The following GABRB1 variants were observed in gnomAD, a reference collection of about 807,000 sequenced individuals.
The protein encoded by GABRB1 is gamma-aminobutyric acid receptor subunit beta-1.
A neutral mutation model predicts 51.6 loss-of-function variants in GABRB1; 17 were observed. That is an observed-to-expected ratio of 0.33 (90% CI 0.23 to 0.49). The LOEUF (loss-of-function observed/expected upper bound fraction) is 0.49. Ranked by LOEUF, GABRB1 falls within the 20% of genes least tolerant of loss-of-function variation. GABRB1 has a pLI of 0.99. For synonymous variants in GABRB1, 247 were observed against 218.9 expected (o/e 1.13, Z -1.14); for missense variants, 410 against 600.6 (o/e 0.68, Z 3.32).
intron 8 of GABRB1, among the ~76,000 whole-genome samples, chr4:47,408,761 C>T (rs1728660455): frequency 6.6e-6 from 1 of 152,174 alleles, no homozygotes; most frequent in African/African-American, 2.4e-5. Flanking sequence ...GAGGCCACCT[C>T]TTTTCTATTC....
intron 4 of GABRB1, among the ~76,000 whole-genome samples, chr4:47,254,299 T>C (rs575529668): frequency 6.6e-6 from 1 of 151,074 alleles, no homozygotes; most frequent in Non-Finnish European, 1.5e-5. Context: ...TTCTATAAAG[T>C]CTTAGAACAT....
chr4:47,149,127 G>A, intron 3 of GABRB1, among the ~76,000 whole-genome samples: 1 of 151,880 alleles, frequency 6.6e-6, no homozygotes, highest in East Asian at 1.9e-4. Context: ...ACTCTATATG[G>A]TGGTTTTATA....
chr4:47,052,579 G>A (rs1726401312), intron 3 of GABRB1, among the ~76,000 whole-genome samples: 1 of 152,196 alleles, frequency 6.6e-6, no homozygotes, highest in African/African-American at 2.4e-5. Flanking sequence ...AGACCCATTT[G>A]TACTGTGGCC....
At chr4:47,334,182 G>A (rs937720497) in intron 5 of GABRB1, among the ~76,000 whole-genome samples, 2 of 152,086 alleles carry the variant, frequency 1.3e-5, no homozygotes. Flanking sequence ...TAATGCTGTT[G>A]GTTGATGGAC....
chr4:47,322,981 A>ACAG (rs542462366), intron 5 of GABRB1, among the ~76,000 whole-genome samples: 1,656 of 151,928 alleles, frequency 0.011, 26 homozygotes, highest in South Asian at 0.046. Flanking sequence ...AACAACAACA[A>ACAG]CAACAACAAC....
Position 47,019,853 on chromosome 4 carries a change from A to G in GABRB1, c.-19-12061A>G, listed in dbSNP as rs563519167. On this transcript the variant is annotated intron_variant, in intron 1 of 3. Coordinates refer to the GABRB1 transcript ENST00000513567. Reference sequence around the variant, plus strand: ...CTCTAGTAGATAGGAAAACAGGCACATGCCACCACCCTGGCTAATTTATAT... The same window carrying G: ...CTCTAGTAGATAGGAAAACAGGCACGTGCCACCACCCTGGCTAATTTATAT... Among the ~76,000 whole-genome samples the G allele has an allele frequency of 1.0e-4, 15 of 147,676 alleles. No individual in the cohort carries two copies. The East Asian group carries it at 2.9e-3, about 29-fold the overall frequency.
intron 5 of GABRB1, among the ~76,000 whole-genome samples, chr4:47,391,617 T>A (rs997606824): frequency 1.3e-5 from 2 of 152,176 alleles, no homozygotes; most frequent in Non-Finnish European, 2.9e-5. Flanking sequence ...CTAAAATTAA[T>A]ACACAGATTT....
intron 5 of GABRB1, among the ~76,000 whole-genome samples, chr4:47,353,366 A>T (rs940517694): frequency 1.1e-4 from 16 of 152,006 alleles, no homozygotes; most frequent in African/African-American, 3.6e-4. Flanking sequence ...ATGATAAGTG[A>T]CTCCCTTGAT....
rs1407941316 is a variant in GABRB1 at position 47,300,089 on chromosome 4, G to A, written c.462-20038G>A. On this transcript the variant is annotated intron_variant, in intron 4 of 8. Coordinates refer to ENST00000295454, the MANE Select transcript of GABRB1 (RefSeq NM_000812.4). ...GGAACATCACATTCTGGGGACTGTT[G>A]TGGGGTGGGGGGAGGGGGGAGGGAT... 7.6e-5 allele frequency among the ~76,000 whole-genome samples: 9 copies of A among 117,708 alleles called. No individual in the cohort carries two copies. In the Admixed American group the frequency reaches 8.3e-4, roughly 11 times the overall value. 77.2% of individuals were successfully genotyped at this position (117,708 alleles called of 152,430 possible).
intron 3 of GABRB1, among the ~76,000 whole-genome samples, chr4:47,149,300 T>C (rs1367896774): frequency 1.3e-5 from 2 of 152,180 alleles, no homozygotes; most frequent in Admixed American, 1.3e-4. Context: ...CATTGTTCTG[T>C]AACATATTTT....
At chr4:47,149,670 A>T (rs1717338370) in intron 3 of GABRB1, among the ~76,000 whole-genome samples, 1 of 152,018 alleles carries the variant, frequency 6.6e-6, no homozygotes, top group Non-Finnish European at 1.5e-5. Flanking sequence ...TAATTCATTT[A>T]GATGTGTATG....
intron 4 of GABRB1, among the ~76,000 whole-genome samples, chr4:47,241,393 G>C (rs1187503934): frequency 6.6e-6 from 1 of 152,106 alleles, no homozygotes; most frequent in Non-Finnish European, 1.5e-5. Context: ...TGACTAACAA[G>C]AGGCCCTTGT....
chr4:47,336,178 C>CT (rs1239392901), intron 5 of GABRB1, among the ~76,000 whole-genome samples: 6 of 152,040 alleles, frequency 3.9e-5, no homozygotes, highest in African/African-American at 1.2e-4. Context: ...AAGTGAAAGT[C>CT]TAAGTTTAGA....
At chr4:47,424,748 A>G (rs1316334221) in intron 8 of GABRB1, among the ~76,000 whole-genome samples, 1 of 152,204 alleles carries the variant, frequency 6.6e-6, no homozygotes, top group Admixed American at 6.5e-5. Flanking sequence ...CAGGTAAATC[A>G]GTTTGCAAAG....
rs1314168336 is a variant in GABRB1 at position 47,420,973 on chromosome 4, CACACAG to C, written c.1081-4699_1081-4694del. Among the ~76,000 whole-genome samples the C allele has an allele frequency of 8.4e-4, 125 of 149,468 alleles. 1 individual carries two copies. Among genetic ancestry groups the C allele is most frequent in the Middle Eastern group, 6.8e-3 (2 of 292 alleles). ...ACACACACACACACACACACACACA[CACACAG>C]AGTCTGTTAACATCAGCCTTTAGGA... is the stretch of plus-strand genomic sequence containing the variant. On this transcript the variant is annotated intron_variant, in intron 8 of 8. Transcript: ENST00000295454.
chr4:47,400,471 A>G (rs1728337380), intron 5 of GABRB1, among the ~76,000 whole-genome samples: 1 of 152,096 alleles, frequency 6.6e-6, no homozygotes, highest in Non-Finnish European at 1.5e-5. Context: ...TAAAAGGAAC[A>G]AAGTTGTAGA....
At chr4:47,090,763 A>G (rs1235932357) in intron 3 of GABRB1, among the ~76,000 whole-genome samples, 1 of 152,238 alleles carries the variant, frequency 6.6e-6, no homozygotes, top group Non-Finnish European at 1.5e-5. Context: ...AGTATGGACC[A>G]GTGCAGCATA....
chr4:47,349,188 G>A (rs1216856480), intron 5 of GABRB1, among the ~76,000 whole-genome samples: 1 of 152,122 alleles, frequency 6.6e-6, no homozygotes, highest in Non-Finnish European at 1.5e-5. Flanking sequence ...TGAATTATTT[G>A]CATATTTTGA....
chr4:47,117,750 G>A (rs1284707189), intron 3 of GABRB1, among the ~76,000 whole-genome samples: 1 of 152,126 alleles, frequency 6.6e-6, no homozygotes. Flanking sequence ...TATAATAAAG[G>A]TTGGTTATGA....
Sources: allele counts gnomAD v4.1 joint callset (sites outside exome capture counted in the v4.1 genomes callset), GRCh38; gene constraint gnomAD v4.1.1; transcripts MANE v1.5; gene names NCBI Gene and HGNC (gene_info 2026-07-23, HGNC 2026-07-21).